Variants in SYTL3 observed in about 807,000 individuals in gnomAD.
SYTL3 encodes synaptotagmin like 3.
In SYTL3, 88 loss-of-function variants were observed where a neutral mutation model predicts 82.1. That is an observed-to-expected ratio of 1.07 (90% CI 0.90 to 1.28). SYTL3 has a LOEUF of 1.28. SYTL3 is among the 50% of genes most tolerant of loss of function. The pLI, the probability that SYTL3 is intolerant of heterozygous loss-of-function variation, is 0.00. For missense variants in SYTL3, 831 were observed against 757.6 expected, an observed-to-expected ratio of 1.10 and a Z score of -1.14; for synonymous variants, 311 against 289.4, an observed-to-expected ratio of 1.07 and a Z score of -0.76.
At chr6:158,756,445 C>T (rs1789075151) in intron 13 of SYTL3, among the ~76,000 whole-genome samples, 1 of 152,180 alleles carries the variant, frequency 6.6e-6, no homozygotes, top group Admixed American at 6.5e-5. Flanking sequence ...TGCAGTGGCT[C>T]ACGCCTGTAA....
At chr6:158,702,968 T>A (rs573629202) in intron 6 of SYTL3, among the ~76,000 whole-genome samples, 1 of 151,806 alleles carries the variant, frequency 6.6e-6, no homozygotes, top group Admixed American at 6.6e-5. Context: ...TCCTGGCTAA[T>A]ACGGTGAAAC....
At chr6:158,681,360 G>T (rs1171204922) in intron 5 of SYTL3, among the ~76,000 whole-genome samples, 1 of 152,146 alleles carries the variant, frequency 6.6e-6, no homozygotes, top group African/African-American at 2.4e-5. Flanking sequence ...GACTAAGATG[G>T]TAGGAGTTAA....
At chr6:158,648,112 G>A (rs913991702), upstream of SYTL3, among the ~76,000 whole-genome samples, 3 of 152,152 alleles carry the variant, frequency 2.0e-5, no homozygotes, top group African/African-American at 7.2e-5. Context: ...TGACCAACAT[G>A]GAGAAACCCT....
At chr6:158,698,017 T>C (rs1780747060) in intron 6 of SYTL3, among the ~76,000 whole-genome samples, 1 of 152,238 alleles carries the variant, frequency 6.6e-6, no homozygotes, top group African/African-American at 2.4e-5. Context: ...TTCACAGTCC[T>C]GCTCTGTGTC....
intron 11 of SYTL3, 115 bp downstream of exon 11, chr6:158,725,752 A>T: frequency 7.5e-7 from 1 of 1,336,064 alleles, no homozygotes; most frequent in Non-Finnish European, 1.0e-6. Flanking sequence ...ATTTTTGGAG[A>T]ACAGCAAGGC....
intron 10 of SYTL3, among the ~76,000 whole-genome samples, chr6:158,721,151 G>C (rs544167568): frequency 6.6e-6 from 1 of 152,292 alleles, no homozygotes; most frequent in South Asian, 2.1e-4. Context: ...GCTCTTGGCA[G>C]GAACGCTTCC....
chr6:158,763,653 A>G lies in SYTL3; in HGVS notation c.1723+144A>G. The G allele has an allele frequency of 3.0e-6, 2 of 674,234 alleles. 1 individual carries two copies. The highest frequency in any genetic ancestry group is 3.7e-5 in the South Asian group (2 of 54,064). The allele number at this position is 674,234 out of a possible 1,614,324, so 41.8% of individuals were successfully genotyped here. A position where few individuals can be genotyped will look rare whatever the true frequency, so the allele number is the denominator to read the frequency against. On this transcript the variant is annotated intron_variant, in intron 17 of 17. Transcript: ENST00000611299. ...GCCTTAATTGGAAATGCCTAAGTCTAGTTTTTACTCTACAGCTGAGCCATA... is the reference window on the plus strand; with the variant it reads ...GCCTTAATTGGAAATGCCTAAGTCTGGTTTTTACTCTACAGCTGAGCCATA...
intron 5 of SYTL3, among the ~76,000 whole-genome samples, chr6:158,682,585 T>A (rs1469658752): frequency 6.6e-6 from 1 of 151,534 alleles, no homozygotes; most frequent in African/African-American, 2.4e-5. Flanking sequence ...GGTCTTGATC[T>A]CCTGACCTCG....
rs999445853 is a variant in SYTL3, at chr6:158,663,030, C to T, written c.-239C>T. 7.5e-5 allele frequency: 31 copies of T among 412,224 alleles called. No individual in the cohort carries two copies. Among genetic ancestry groups the T allele is most frequent in the Non-Finnish European group, 1.1e-4 (25 of 229,508 alleles). 25.5% of individuals were successfully genotyped at this position (412,224 alleles called of 1,614,324 possible). On this transcript the variant is annotated 5_prime_UTR_variant, in exon 4 of 18. Coordinates refer to ENST00000611299, the MANE Select transcript of SYTL3 (RefSeq NM_001242394.2). ...AAAACACCCCCCGGGTAGCACGAGG[C>T]TCTGCGAGCCGTAACTCCGACAAAC... is the stretch of plus-strand genomic sequence containing the variant.
chr6:158,710,768 A>T (rs1782672742), intron 8 of SYTL3, among the ~76,000 whole-genome samples: 1 of 126,462 alleles, frequency 7.9e-6, no homozygotes, highest in Admixed American at 8.1e-5. Flanking sequence ...GTTGTGGTCT[A>T]AGCTTTTTTT....
intron 14 of SYTL3, among the ~76,000 whole-genome samples, chr6:158,759,598 T>TCC (rs1789633025): frequency 6.6e-6 from 1 of 152,220 alleles, no homozygotes; most frequent in Non-Finnish European, 1.5e-5. Flanking sequence ...AGTGGCGTGA[T>TCC]CTTGGCTCAC....
chr6:158,758,950 ATGCCTTCCG>A (rs1789530084), intron 14 of SYTL3, among the ~76,000 whole-genome samples: 1 of 152,112 alleles, frequency 6.6e-6, no homozygotes, highest in Admixed American at 6.5e-5. Flanking sequence ...TCTGGCTTCC[ATGCCTTCCG>A]TGCCTTCCTC....
At chr6:158,667,515 C>T (rs1790219388) in intron 5 of SYTL3, among the ~76,000 whole-genome samples, 1 of 151,900 alleles carries the variant, frequency 6.6e-6, no homozygotes, top group Admixed American at 6.6e-5. Flanking sequence ...CTGGGCTGTC[C>T]TCCTCCTCTT....
chr6:158,751,146 A>G (rs1228296327), intron 12 of SYTL3, among the ~76,000 whole-genome samples: 2 of 152,148 alleles, frequency 1.3e-5, no homozygotes, highest in Non-Finnish European at 2.9e-5. Flanking sequence ...AGGGGGAAGA[A>G]GAGACCCAAG....
chr6:158,754,866 G>A (rs1473965934), intron 13 of SYTL3, among the ~76,000 whole-genome samples: 1 of 152,232 alleles, frequency 6.6e-6, no homozygotes, highest in East Asian at 1.9e-4. Context: ...GAGCTGCCTG[G>A]GGGCCCGAGC....
Position 158,760,652 on chromosome 6 carries a change from G to A in SYTL3, c.1321G>A (p.Glu441Lys), listed in dbSNP as rs200036398. The A allele has an allele frequency of 1.3e-4, 212 of 1,613,944 alleles. 1 individual carries two copies. Among genetic ancestry groups the A allele is most frequent in the Middle Eastern group, 3.3e-4 (2 of 6,060 alleles). The part of the protein sequence containing the change: ...HPLRAKAEKY[E>K]DSVPQSNGEL... ...CTCTTGTCCCCAGGCGGAGAAATAC[G>A]AAGACAGCGTTCCTCAGAGTAATGG... is the stretch of plus-strand genomic sequence containing the variant. Residue 441 changes from glutamate to lysine, a missense_variant, in exon 15 of 18, where the codon GAA becomes AAA. Coordinates refer to ENST00000611299, the MANE Select transcript of SYTL3 (RefSeq NM_001242394.2).
intron 11 of SYTL3, chr6:158,726,025 G>A (rs777941859): frequency 6.4e-6 from 4 of 623,550 alleles, no homozygotes; most frequent in East Asian, 7.4e-5. Context: ...CGCAGTCCAC[G>A]TGTGTGTCCA....
chr6:158,690,745 C>T (rs1350479626), intron 6 of SYTL3, among the ~76,000 whole-genome samples: 1 of 152,014 alleles, frequency 6.6e-6, no homozygotes, highest in Non-Finnish European at 1.5e-5. Context: ...AATTTCATAA[C>T]TGGATATTTA....
At chr6:158,690,351 A>G (rs992814644) in intron 6 of SYTL3, among the ~76,000 whole-genome samples, 1 of 152,248 alleles carries the variant, frequency 6.6e-6, no homozygotes, top group Non-Finnish European at 1.5e-5. Context: ...AAATGTAGAC[A>G]TCCTTCCCTT....
Sources: allele counts gnomAD v4.1 joint callset (sites outside exome capture counted in the v4.1 genomes callset), GRCh38; gene constraint gnomAD v4.1.1; transcripts MANE v1.5; gene names NCBI Gene and HGNC (gene_info 2026-07-23, HGNC 2026-07-21).